KCNT1: variants seen among roughly 807,000 people sequenced by gnomAD.
KCNT1 encodes the protein potassium channel subfamily T member 1.
KCNT1 carries 78 observed loss-of-function variants against 147.8 expected under a neutral mutation model. The ratio of observed to expected loss-of-function variants is 0.53; its 90% CI spans 0.44 to 0.64. KCNT1 has a LOEUF of 0.64. Among genes scored for constraint, KCNT1 ranks in the 30% least tolerant of loss-of-function variants. The probability of loss-of-function intolerance (pLI) is 0.00; values close to 1 mark genes in which losing one functional copy is unlikely to be tolerated. For missense variants in KCNT1, 1,419 were observed against 1,750.3 expected (o/e 0.81, Z 3.38); for synonymous variants, 867 against 748.8 (o/e 1.16, Z -2.58).
intron 24 of KCNT1, 33 bp downstream of exon 24, chr9:135,779,503 C>T (rs1280041992): frequency 9.0e-6 from 13 of 1,446,488 alleles, no homozygotes; most frequent in Non-Finnish European, 1.2e-5. Context: ...AGCTGCCACC[C>T]CAGAATCCCA....
intron 2 of KCNT1, among the ~76,000 whole-genome samples, chr9:135,721,771 G>T (rs548736392): frequency 3.3e-5 from 5 of 152,202 alleles, no homozygotes; most frequent in Non-Finnish European, 7.4e-5. Context: ...GCTCAGGGTC[G>T]GTTTGCCTGT....
chr9:135,779,329 G>GCC, intron 23 of KCNT1, 30 bp from the exon 24 acceptor site: 1 of 1,442,806 alleles, frequency 6.9e-7, no homozygotes, highest in Non-Finnish European at 9.7e-7. Flanking sequence ...ACCACCATGG[G>GCC]CCCCGCCCTG....
At chr9:135,747,602 C>T (rs1344142883) in intron 2 of KCNT1, among the ~76,000 whole-genome samples, 1 of 152,156 alleles carries the variant, frequency 6.6e-6, no homozygotes, top group Non-Finnish European at 1.5e-5. Context: ...GACACTTATG[C>T]AGGGAGGGGC....
chr9:135,772,521 C>T (rs889661850), intron 18 of KCNT1, among the ~76,000 whole-genome samples, 194 bp from the exon 19 acceptor site: 20 of 152,174 alleles, frequency 1.3e-4, no homozygotes, highest in Admixed American at 1.2e-3. Flanking sequence ...TCAACATCAT[C>T]GCCACCCCAG....
At chr9:135,706,053 G>C (rs1176875316) in intron 1 of KCNT1, among the ~76,000 whole-genome samples, 2 of 152,214 alleles carry the variant, frequency 1.3e-5, no homozygotes, top group Admixed American at 6.5e-5. Flanking sequence ...TCTGGGAACT[G>C]TGTCTGTGAG....
rs754553951 is a variant in KCNT1 at position 135,786,508 on chromosome 9, C to G, written c.3489C>G (p.Pro1163=). 6.3e-7 allele frequency: 1 copy of G among 1,594,846 alleles called. No homozygotes were observed. The highest frequency in any genetic ancestry group is 8.5e-7 in the Non-Finnish European group (1 of 1,173,560). ...ACCGCATGAAGCACCTGGGGCTGCCCACCACCGGCTACGGTAAGGGCACAC... is the reference window on the plus strand; with the variant it reads ...ACCGCATGAAGCACCTGGGGCTGCCGACCACCGGCTACGGTAAGGGCACAC... ...VKNRMKHLGL[P]TTGYDEMNDH... The change falls in exon 29 of 31, where the codon CCC becomes CCG. Residue 1163 remains proline (P), a synonymous_variant. Transcript: ENST00000371757.
chr9:135,787,803 G>A (rs1203820210), intron 29 of KCNT1, among the ~76,000 whole-genome samples: 3 of 152,186 alleles, frequency 2.0e-5, no homozygotes, highest in Non-Finnish European at 4.4e-5. Flanking sequence ...TGGGGCTCAC[G>A]AGGCTGAGGG....
chr9:135,703,588 C>G (rs984193308), intron 1 of KCNT1, among the ~76,000 whole-genome samples: 3 of 152,178 alleles, frequency 2.0e-5, no homozygotes, highest in African/African-American at 7.2e-5. Flanking sequence ...TGGACGTGCT[C>G]TGAGGGACTA....
intron 1 of KCNT1, among the ~76,000 whole-genome samples, chr9:135,708,464 G>C (rs1835347228): frequency 6.6e-6 from 1 of 152,188 alleles, no homozygotes; most frequent in Non-Finnish European, 1.5e-5. Context: ...GGCTCGCCCA[G>C]CTCCTGGAAA....
intron 27 of KCNT1, 105 bp from the exon 28 acceptor site, chr9:135,785,205 C>A: frequency 6.6e-7 from 1 of 1,516,678 alleles, no homozygotes; most frequent in African/African-American, 1.4e-5. Context: ...CAGCAGGCAC[C>A]GTGCCCACCA....
intron 1 of KCNT1, among the ~76,000 whole-genome samples, chr9:135,707,117 C>T (rs1425539898): frequency 6.7e-6 from 1 of 149,602 alleles, no homozygotes; most frequent in Non-Finnish European, 1.5e-5. Context: ...AGACCCCTGT[C>T]TCTACAAAAA....
chr9:135,765,554 C>A, intron 12 of KCNT1, 70 bp from the exon 13 acceptor site: 1 of 1,527,942 alleles, frequency 6.5e-7, no homozygotes. Context: ...CAAACACAGT[C>A]CTGAAGGCAG....
intron 2 of KCNT1, among the ~76,000 whole-genome samples, chr9:135,727,240 T>TCC (rs1459959503): frequency 0.013 from 803 of 63,930 alleles, 52 homozygotes; most frequent in Non-Finnish European, 0.015. Context: ...CCATTCTCTC[T>TCC]CCCCCTCTCT....
At chr9:135,721,634 G>A (rs541445071) in intron 2 of KCNT1, among the ~76,000 whole-genome samples, 54 of 152,372 alleles carry the variant, frequency 3.5e-4, no homozygotes, top group African/African-American at 9.1e-4. Flanking sequence ...GCATGATTGA[G>A]TCAAGGTCTG....
rs548078580 is a variant in KCNT1 at position 135,704,622 on chromosome 9, G to A, written c.110+2254G>A. On this transcript the variant is annotated intron_variant, in intron 1 of 30. Coordinates refer to ENST00000371757, the MANE Select transcript of KCNT1 (RefSeq NM_020822.3). ...GGCAAGTGCCCACCCCCTGCCCAGCGCACTTCGCATCAGAGCCCCTGCCAG... is the reference window on the plus strand; with the variant it reads ...GGCAAGTGCCCACCCCCTGCCCAGCACACTTCGCATCAGAGCCCCTGCCAG... 3.3e-3 allele frequency among the ~76,000 whole-genome samples: 501 copies of A among 152,308 alleles called. 4 individuals are homozygous for A. Among genetic ancestry groups the A allele is most frequent in the Non-Finnish European group, 6.2e-3 (421 of 68,020 alleles).
At chr9:135,779,033 A>C (rs1428528640) in intron 23 of KCNT1, among the ~76,000 whole-genome samples, 2 of 96,072 alleles carry the variant, frequency 2.1e-5, no homozygotes, top group African/African-American at 4.2e-5. Context: ...CCCCACCCTG[A>C]AACCCCCACA....
intron 19 of KCNT1, among the ~76,000 whole-genome samples, chr9:135,774,161 GTGGTATGTGTCC>G (rs1832952805): frequency 6.6e-6 from 1 of 151,210 alleles, no homozygotes; most frequent in African/African-American, 2.4e-5. Flanking sequence ...CTGGGTGTGT[GTGGTATGTGTCC>G]GTGTGTGTGA....
chr9:135,751,410 G>T (rs10116738), intron 4 of KCNT1, among the ~76,000 whole-genome samples: 48,010 of 151,714 alleles, frequency 0.32, 7,829 homozygotes, highest in South Asian at 0.44. Context: ...CAGTCCCCCT[G>T]GGGAAAGCCC....
intron 2 of KCNT1, among the ~76,000 whole-genome samples, chr9:135,721,598 TCCTGGACC>T (rs1182571200): frequency 3.9e-5 from 6 of 152,206 alleles, no homozygotes; most frequent in Admixed American, 6.5e-5. Context: ...TGTCTGTCTT[TCCTGGACC>T]CCCTTGGTGT....
Sources: allele counts gnomAD v4.1 joint callset (sites outside exome capture counted in the v4.1 genomes callset), GRCh38; gene constraint gnomAD v4.1.1; transcripts MANE v1.5; gene names NCBI Gene and HGNC (gene_info 2026-07-23, HGNC 2026-07-21).